Variants in ATP9B observed in about 807,000 individuals in gnomAD.
ATP9B encodes ATPase phospholipid transporting 9B.
ATP9B carries 110 observed loss-of-function variants against 146.1 expected under a neutral mutation model. The ratio of observed to expected loss-of-function variants is 0.75; its 90% CI spans 0.65 to 0.88. ATP9B has a LOEUF of 0.88. Among genes scored for constraint, ATP9B ranks in the 40% least tolerant of loss-of-function variants. The pLI is 0.00. For missense variants in ATP9B, 1,499 were observed against 1,496.4 expected (o/e 1.00, Z -0.03); for synonymous variants, 604 against 569.7 (o/e 1.06, Z -0.86).
chr18:79,253,310 C>A, intron 11 of ATP9B, 71 bp from the exon 12 acceptor site: 1 of 1,358,590 alleles, frequency 7.4e-7, no homozygotes, highest in Non-Finnish European at 1.0e-6. Flanking sequence ...TCATCACTAC[C>A]ATGCATTCTG....
chr18:79,127,520 G>T (rs923397059), intron 5 of ATP9B, among the ~76,000 whole-genome samples: 1 of 152,114 alleles, frequency 6.6e-6, no homozygotes, highest in Non-Finnish European at 1.5e-5. Flanking sequence ...GGTTCATCTG[G>T]TAGTAGCATT....
intron 7 of ATP9B, among the ~76,000 whole-genome samples, chr18:79,160,467 A>G (rs2094861249): frequency 6.6e-6 from 1 of 152,254 alleles, no homozygotes; most frequent in African/African-American, 2.4e-5. Flanking sequence ...AATGAATAAC[A>G]AAATGCTTTA....
At chr18:79,294,382 C>T (rs919476989) in intron 13 of ATP9B, among the ~76,000 whole-genome samples, 1 of 152,192 alleles carries the variant, frequency 6.6e-6, no homozygotes, top group Non-Finnish European at 1.5e-5. Flanking sequence ...GATGGAAGGA[C>T]GCTCCCTGCG....
chr18:79,200,708 G>C, intron 9 of ATP9B, among the ~76,000 whole-genome samples: 1 of 152,202 alleles, frequency 6.6e-6, no homozygotes, highest in Non-Finnish European at 1.5e-5. Flanking sequence ...GTTTATGTCA[G>C]AGCAGAGGTG....
At chr18:79,174,934 C>T (rs911889747) in intron 7 of ATP9B, among the ~76,000 whole-genome samples, 1 of 152,066 alleles carries the variant, frequency 6.6e-6, no homozygotes, top group African/African-American at 2.4e-5. Context: ...GGCGTGGTGG[C>T]TCACACCTGT....
chr18:79,267,249 G>A (rs2096212685), intron 12 of ATP9B, among the ~76,000 whole-genome samples: 1 of 152,022 alleles, frequency 6.6e-6, no homozygotes, highest in South Asian at 2.1e-4. Context: ...CATAGGATCT[G>A]TGATATGAAC....
At chr18:79,125,424 A>G (rs1238326841) in intron 4 of ATP9B, among the ~76,000 whole-genome samples, 1 of 152,212 alleles carries the variant, frequency 6.6e-6, no homozygotes, top group Non-Finnish European at 1.5e-5. Context: ...AATACAAGAA[A>G]CATTCTTCAG....
intron 7 of ATP9B, among the ~76,000 whole-genome samples, chr18:79,162,160 T>G (rs1173013012): frequency 6.6e-6 from 1 of 152,232 alleles, no homozygotes; most frequent in Non-Finnish European, 1.5e-5. Context: ...AAATCTTAGG[T>G]ATGATGGAAG....
intron 11 of ATP9B, among the ~76,000 whole-genome samples, chr18:79,223,145 G>A (rs958313366): frequency 6.6e-6 from 1 of 152,172 alleles, no homozygotes; most frequent in Admixed American, 6.5e-5. Context: ...ATTAGAGCTG[G>A]TGCTTGTTAT....
intron 29 of ATP9B, among the ~76,000 whole-genome samples, chr18:79,376,588 C>T (rs1055020993): frequency 1.3e-5 from 2 of 152,074 alleles, no homozygotes; most frequent in African/African-American, 4.8e-5. Flanking sequence ...CAAGGTTTCC[C>T]CATGTTGGCC....
At chr18:79,075,545 A>G (rs1194990331) in intron 1 of ATP9B, among the ~76,000 whole-genome samples, 2 of 152,152 alleles carry the variant, frequency 1.3e-5, no homozygotes, top group Non-Finnish European at 2.9e-5. Context: ...TGACACTTTT[A>G]TCATTATGTA....
At chr18:79,331,267 A>G (rs963070852) in intron 17 of ATP9B, among the ~76,000 whole-genome samples, 5 of 152,216 alleles carry the variant, frequency 3.3e-5, no homozygotes, top group African/African-American at 1.2e-4. Flanking sequence ...TGGCAATATG[A>G]ATCAATATCT....
intron 13 of ATP9B, among the ~76,000 whole-genome samples, chr18:79,292,411 G>A (rs1476308016): frequency 3.0e-4 from 45 of 152,300 alleles, no homozygotes; most frequent in Non-Finnish European, 1.5e-5. Context: ...TGCTAACAAC[G>A]AACCATCCAG....
rs541161337 is a variant in ATP9B at position 79,076,777 on chromosome 18, A to G, written c.119+7248A>G. Among the ~76,000 whole-genome samples, 5 of 152,196 alleles carry G rather than the reference A, an allele frequency of 3.3e-5. No individual in the cohort carries two copies. The South Asian group carries it at 1.0e-3, about 32-fold the overall frequency. On this transcript the variant is annotated intron_variant, in intron 1 of 29. Transcript: ENST00000426216. Reference sequence around the variant, plus strand: ...CCGTCCCTTCTTTTACCCTGGTGACACCTTGTGAAATCTTTTCTTGTACCA... The same window carrying G: ...CCGTCCCTTCTTTTACCCTGGTGACGCCTTGTGAAATCTTTTCTTGTACCA...
Position 79,359,468 on chromosome 18 carries a change from G to C in ATP9B, c.3012+6G>C. The C allele has an allele frequency of 8.1e-6, 13 of 1,606,608 alleles. No homozygotes were observed. The highest frequency in any genetic ancestry group is 1.1e-5 in the Non-Finnish European group (13 of 1,173,278). ...TGTACAAGGACCTCACCAAGGTACGGGCCTCAGGCAAGCTGTCTGCCTCAC... is the reference window on the plus strand; with the variant it reads ...TGTACAAGGACCTCACCAAGGTACGCGCCTCAGGCAAGCTGTCTGCCTCAC... On this transcript the variant is annotated splice_donor_region_variant and intron_variant, in intron 26 of 29. Transcript: ENST00000426216.
chr18:79,310,257 C>A (rs1156550109), intron 15 of ATP9B, among the ~76,000 whole-genome samples: 1 of 152,230 alleles, frequency 6.6e-6, no homozygotes, highest in African/African-American at 2.4e-5. Flanking sequence ...CCTCATCATG[C>A]ACAGTACGGG....
intron 9 of ATP9B, among the ~76,000 whole-genome samples, chr18:79,200,750 T>TGGGAACGTTGGGGTCAGAGCAGAGGC (rs2095470870): frequency 1.4e-4 from 10 of 73,890 alleles, no homozygotes; most frequent in Admixed American, 4.3e-4. Flanking sequence ...AGAGCAGAGG[T>TGGGAACGTTGGGGTCAGAGCAGAGGC]GGAGGTGGGA....
intron 9 of ATP9B, among the ~76,000 whole-genome samples, chr18:79,199,240 T>C (rs1357674336): frequency 6.6e-6 from 1 of 152,086 alleles, no homozygotes; most frequent in Admixed American, 6.5e-5. Context: ...CATGAGCCTG[T>C]AAACTCATTT....
chr18:79,202,060 A>T (rs750377322), intron 9 of ATP9B, among the ~76,000 whole-genome samples: 15 of 151,718 alleles, frequency 9.9e-5, no homozygotes, highest in Admixed American at 2.0e-4. Flanking sequence ...CCTGTCCTAA[A>T]ATATATATAT....
Sources: gnomAD v4.1 joint callset for allele counts (sites outside exome capture counted in the v4.1 genomes callset) on GRCh38, gnomAD v4.1.1 for gene constraint, MANE v1.5 for transcripts, NCBI Gene and HGNC (gene_info 2026-07-23, HGNC 2026-07-21) for gene names.